FAM78B: variants seen among roughly 807,000 people sequenced by gnomAD.
FAM78B encodes the protein family with sequence similarity 78 member B, also known as protein FAM78B.
A neutral mutation model predicts 20.0 loss-of-function variants in FAM78B; 10 were observed. That is an observed-to-expected ratio of 0.50 (90% CI 0.31 to 0.85). The LOEUF (loss-of-function observed/expected upper bound fraction) is 0.85. Ranked by LOEUF, FAM78B falls within the 40% of genes least tolerant of loss-of-function variation. The probability of loss-of-function intolerance (pLI) is 0.05; values close to 1 mark genes in which losing one functional copy is unlikely to be tolerated. For missense variants in FAM78B, 283 were observed against 345.0 expected, an observed-to-expected ratio of 0.82 and a Z score of 1.42; for synonymous variants, 135 against 132.8, an observed-to-expected ratio of 1.02 and a Z score of -0.12.
At chr1:166,125,393 G>GT (rs1439077352) in intron 1 of FAM78B, among the ~76,000 whole-genome samples, 1 of 152,156 alleles carries the variant, frequency 6.6e-6, no homozygotes, top group Admixed American at 6.5e-5. Flanking sequence ...AAAGCTAGTG[G>GT]TAAGAGGGAG....
intron 1 of FAM78B, among the ~76,000 whole-genome samples, chr1:166,140,018 G>T (rs1476437424): frequency 6.6e-6 from 1 of 152,214 alleles, no homozygotes. Context: ...GTAAAGGCAG[G>T]TTTCTGCAGA....
chr1:166,103,812 C>T (rs1653647839), intron 1 of FAM78B, among the ~76,000 whole-genome samples: 1 of 152,106 alleles, frequency 6.6e-6, no homozygotes, highest in South Asian at 2.1e-4. Context: ...GAAACTATTC[C>T]AATCAATAGA....
chr1:166,109,882 G>GTA (rs1274176169), intron 1 of FAM78B, among the ~76,000 whole-genome samples: 457 of 12,252 alleles, frequency 0.037, 68 homozygotes, highest in Non-Finnish European at 0.093. Flanking sequence ...ATATATATAT[G>GTA]TATATATGTA....
At chr1:166,114,958 T>C (rs1039489318) in intron 1 of FAM78B, among the ~76,000 whole-genome samples, 3 of 152,134 alleles carry the variant, frequency 2.0e-5, no homozygotes, top group African/African-American at 4.8e-5. Flanking sequence ...GCCTTCTCCA[T>C]TGATAGCATA....
At chr1:166,109,410 G>A (rs1301403919) in intron 1 of FAM78B, among the ~76,000 whole-genome samples, 2 of 152,100 alleles carry the variant, frequency 1.3e-5, no homozygotes, top group African/African-American at 4.8e-5. Flanking sequence ...ATCAAAAAAT[G>A]CTCAACATCA....
At chr1:166,116,492 G>C (rs577019488) in intron 1 of FAM78B, among the ~76,000 whole-genome samples, 1 of 152,182 alleles carries the variant, frequency 6.6e-6, no homozygotes, top group East Asian at 1.9e-4. Flanking sequence ...CTATCAAGAA[G>C]GTACTTTGGG....
intron 1 of FAM78B, among the ~76,000 whole-genome samples, chr1:166,079,074 G>A (rs926891718): frequency 2.6e-5 from 4 of 151,968 alleles, no homozygotes. Flanking sequence ...TGGGACTACA[G>A]GCATGCACCA....
At chr1:166,107,111 C>G (rs1653818868) in intron 1 of FAM78B, among the ~76,000 whole-genome samples, 1 of 152,014 alleles carries the variant, frequency 6.6e-6, no homozygotes, top group African/African-American at 2.4e-5. Flanking sequence ...CAAGAATAAA[C>G]CAAACCAAAA....
At chr1:166,116,518 CA>C (rs1236904816) in intron 1 of FAM78B, among the ~76,000 whole-genome samples, 1 of 152,172 alleles carries the variant, frequency 6.6e-6, no homozygotes, top group African/African-American at 2.4e-5. Context: ...AAATTTCCAT[CA>C]GCAGATTGGC....
chr1:166,125,246 G>A (rs1466047670), intron 1 of FAM78B, among the ~76,000 whole-genome samples: 1 of 152,096 alleles, frequency 6.6e-6, no homozygotes, highest in East Asian at 1.9e-4. Flanking sequence ...GCAGGTCTCT[G>A]ACTCACTGTC....
At chr1:166,122,736 C>T (rs1571183110) in intron 1 of FAM78B, among the ~76,000 whole-genome samples, 1 of 152,192 alleles carries the variant, frequency 6.6e-6, no homozygotes, top group East Asian at 1.9e-4. Flanking sequence ...AAATATCTAA[C>T]AGGATTATTG....
chr1:166,093,920 G>C (rs1047615249), intron 1 of FAM78B, among the ~76,000 whole-genome samples: 2 of 151,642 alleles, frequency 1.3e-5, no homozygotes, highest in African/African-American at 4.8e-5. Flanking sequence ...ATAGGCCCAG[G>C]ATCAATGACG....
chr1:166,108,337 C>G (rs1390409565), intron 1 of FAM78B, among the ~76,000 whole-genome samples: 1 of 152,146 alleles, frequency 6.6e-6, no homozygotes, highest in African/African-American at 2.4e-5. Flanking sequence ...AGTAGCTCTT[C>G]TATACACCAA....
intron 2 of FAM78B, among the ~76,000 whole-genome samples, chr1:166,061,090 C>T (rs1027116277): frequency 1.3e-5 from 2 of 152,092 alleles, no homozygotes; most frequent in Admixed American, 6.6e-5. Flanking sequence ...GGTCACACCA[C>T]GACTGAGCTA....
chr1:166,103,256 G>T lies in FAM78B; in HGVS notation c.264-32493C>A, dbSNP rs147494874. ...AAAGCCCACAAGAGAAAGCAGGAAA[G>T]ATCTAAAATTGACACCCTAACATCA... On this transcript the variant is annotated intron_variant, in intron 1 of 1. Transcript: ENST00000354422. Among the ~76,000 whole-genome samples the T allele has an allele frequency of 6.3e-3, 958 of 152,300 alleles. 10 individuals carry two copies. Among genetic ancestry groups the T allele is most frequent in the African/African-American group, 0.022 (919 of 41,556 alleles).
At chr1:166,077,825 AATAT>A (rs1471471406) in intron 1 of FAM78B, among the ~76,000 whole-genome samples, 1 of 87,698 alleles carries the variant, frequency 1.1e-5, no homozygotes. Context: ...ATTATATATA[AATAT>A]ATATAATTTA....
intron 1 of FAM78B, among the ~76,000 whole-genome samples, chr1:166,097,937 G>C (rs1261278070): frequency 6.6e-6 from 1 of 152,192 alleles, no homozygotes; most frequent in Non-Finnish European, 1.5e-5. Context: ...CACAAAAATA[G>C]AGAATTAAAC....
chr1:166,128,539 T>C (rs536236018), intron 1 of FAM78B, among the ~76,000 whole-genome samples: 7 of 152,352 alleles, frequency 4.6e-5, no homozygotes, highest in South Asian at 4.1e-4. Flanking sequence ...TTGGTGAAAA[T>C]GCCTAATTGT....
At chr1:166,088,271 C>T (rs551279745) in intron 1 of FAM78B, among the ~76,000 whole-genome samples, 1 of 152,304 alleles carries the variant, frequency 6.6e-6, no homozygotes, top group East Asian at 1.9e-4. Flanking sequence ...CGTCTGTATT[C>T]AGGAGCCCAT....
Sources: allele counts gnomAD v4.1 joint callset (sites outside exome capture counted in the v4.1 genomes callset), GRCh38; gene constraint gnomAD v4.1.1; transcripts MANE v1.5; gene names NCBI Gene and HGNC (gene_info 2026-07-23, HGNC 2026-07-21).